The following CLEC14A variants were observed in gnomAD, a reference collection of about 807,000 sequenced individuals.
CLEC14A encodes C-type lectin domain family 14 member A.
For missense variants in CLEC14A, 682 were observed against 659.9 expected, an observed-to-expected ratio of 1.03 and a Z score of -0.37; for synonymous variants, 349 against 292.0, an observed-to-expected ratio of 1.20 and a Z score of -1.99.
chr14:38,255,660 G>T lies in CLEC14A; in HGVS notation c.363C>A (p.Gly121=). 6.2e-7 allele frequency: 1 copy of T among 1,602,714 alleles called. No individual in the cohort carries two copies. The part of the protein sequence containing the change: ...RGFSWLSSDP[G]GLESDTLQWV... ...ACTGCAGCGTGTCGCTTTCGAGACCGCCGGGGTCGGAGGACAGCCAGGAGA... is the reference window on the plus strand; with the variant it reads ...ACTGCAGCGTGTCGCTTTCGAGACCTCCGGGGTCGGAGGACAGCCAGGAGA... The change falls in exon 1 of 1, where the codon GGC becomes GGA. Residue 121 remains glycine (G), a synonymous_variant. Coordinates refer to ENST00000342213, the MANE Select transcript of CLEC14A (RefSeq NM_175060.3). The surrounding 1 kb of genome is among the most constrained non-coding windows in gnomAD (Gnocchi z 5.1).
Position 38,255,501 on chromosome 14 carries a change from C to T in CLEC14A, c.522G>A (p.Gln174=), listed in dbSNP as rs151154489. 1.2e-6 allele frequency: 2 copies of T among 1,613,096 alleles called. No homozygotes were observed. Among genetic ancestry groups the T allele is most frequent in the African/African-American group, 2.7e-5 (2 of 74,934 alleles). Residue 174 remains glutamine, a synonymous_variant, in exon 1 of 1, where the codon CAG becomes CAA. Coordinates refer to ENST00000342213, the MANE Select transcript of CLEC14A (RefSeq NM_175060.3). This position sits in a 1 kb window ranked among gnomAD's most constrained non-coding sequence, Gnocchi z 5.1. ...GCGGCGCAGGACACAAGACCTCAAA[C>T]TGGTACTTGCACAGGTAGCCGTTGG... ...LRANGYLCKY[Q]FEVLCPAPRP...
Position 38,255,243 on chromosome 14 carries a change from A to G in CLEC14A, c.780T>C (p.Pro260=), listed in dbSNP as rs773628972. The change falls in exon 1 of 1, where the codon CCT becomes CCC. Residue 260 remains proline, a synonymous_variant. Transcript: ENST00000342213. The surrounding 1 kb of genome is among the most constrained non-coding windows in gnomAD (Gnocchi z 5.1). ...YLRAGKCAEL[P]NCLDDLGGFA... is the part of the protein sequence containing the mutation. ...AGCCTCCCAAGTCGTCTAGGCAGTT[A>G]GGGAGCTCTGCGCATTTGCCAGCAC... 2.5e-6 allele frequency: 4 copies of G among 1,613,860 alleles called. No individual in the cohort carries two copies. Among genetic ancestry groups the G allele is most frequent in the Non-Finnish European group, 3.4e-6 (4 of 1,180,022 alleles).
At position 38,254,742 on chromosome 14, in the gene CLEC14A, T is replaced by C. The variant is rs1243806599; in HGVS notation, c.1281A>G (p.Glu427=). The C allele has an allele frequency of 4.3e-6, 7 of 1,613,922 alleles. No individual in the cohort carries two copies. Among genetic ancestry groups the C allele is most frequent in the Middle Eastern group, 3.3e-4 (2 of 6,084 alleles). ...CCTTCCTTGGCTGGGAAGAGGGGCTTTCGTGAAAGCAGAGCTTGACAAGCC... is the reference window on the plus strand; with the variant it reads ...CCTTCCTTGGCTGGGAAGAGGGGCTCTCGTGAAAGCAGAGCTTGACAAGCC... ...VLGLVKLCFH[E]SPSSQPRKES... The change falls in exon 1 of 1, where the codon GAA becomes GAG. Residue 427 remains glutamate (E), a synonymous_variant. Transcript: ENST00000342213.
chr14:38,255,504 G>C lies in CLEC14A; in HGVS notation c.519C>G (p.Tyr173Ter), dbSNP rs748650609. The part of the protein sequence containing the change: ...HLRANGYLCK[Y>*]QFEVLCPAPR... ...GCGCAGGACACAAGACCTCAAACTGGTACTTGCACAGGTAGCCGTTGGCGC... is the reference window on the plus strand; with the variant it reads ...GCGCAGGACACAAGACCTCAAACTGCTACTTGCACAGGTAGCCGTTGGCGC... The change falls in exon 1 of 1, where the codon TAC becomes TAG. Residue 173 changes from tyrosine (Y) to a stop codon, truncating the protein, a stop_gained. Coordinates refer to ENST00000342213, the MANE Select transcript of CLEC14A (RefSeq NM_175060.3). LOFTEE classifies it low-confidence loss of function (END_TRUNC). This position sits in a 1 kb window ranked among gnomAD's most constrained non-coding sequence, Gnocchi z 5.1. The C allele has an allele frequency of 1.2e-6, 2 of 1,613,072 alleles. No homozygotes were observed. The highest frequency in any genetic ancestry group is 2.7e-5 in the African/African-American group (2 of 74,920).
rs767108935 is a variant in CLEC14A at position 38,255,199 on chromosome 14, G to C, written c.824C>G (p.Thr275Arg). 2 of 1,613,770 alleles carry C rather than the reference G, an allele frequency of 1.2e-6. No homozygotes were observed. The highest frequency in any genetic ancestry group is 1.7e-6 in the Non-Finnish European group (2 of 1,180,040). The stretch of plus-strand genomic sequence containing the variant: ...GCCGTCCTTCCCCAGCTCGAAGCCC[G>C]TAGCACATTCGCAGGCAAAGCCTCC... ...DLGGFACECA[T>R]GFELGKDGRS... Residue 275 changes from threonine (T) to arginine (R), a missense_variant, in exon 1 of 1, where the codon ACG (threonine) becomes AGG (arginine). Physicochemically the swap from Thr to Arg is moderately conservative, Grantham distance 71. Transcript: ENST00000342213. This position sits in a 1 kb window ranked among gnomAD's most constrained non-coding sequence, Gnocchi z 5.1.
At position 38,256,086 on chromosome 14, in the gene CLEC14A, CTG is replaced by C. The variant is rs1274568527; in HGVS notation, c.-66_-65del. ...ATCTGTCCCGCTCGAGGACGCAGAG[CTG>C]TGTCTGGAGCGCGGTCACCGCCCTC... On this transcript the variant is annotated 5_prime_UTR_variant, in exon 1 of 1. Transcript: ENST00000342213. 1.4e-6 allele frequency: 2 copies of C among 1,419,112 alleles called. No homozygotes were observed. Among genetic ancestry groups the C allele is most frequent in the Non-Finnish European group, 1.8e-6 (2 of 1,083,712 alleles). 87.9% of individuals were successfully genotyped at this position (1,419,112 alleles called of 1,614,324 possible).
Position 38,254,667 on chromosome 14 carries a change from C to G in CLEC14A, c.1356G>C (p.Leu452Phe). ...TTGTGCAATGTGCAGAACTGGAGCCCAAAGCAGCGGGCTCAGGATCACTCT... is the reference window on the plus strand; with the variant it reads ...TTGTGCAATGTGCAGAACTGGAGCCGAAAGCAGCGGGCTCAGGATCACTCT... Reference protein sequence around the residue: ...GLESDPEPAALGSSSAHCTNN... With the variant: ...GLESDPEPAAFGSSSAHCTNN... Residue 452 changes from leucine (L) to phenylalanine (F), a missense_variant, in exon 1 of 1, where the codon TTG becomes TTC. Transcript: ENST00000342213. 1 of 1,614,164 alleles carries G rather than the reference C, an allele frequency of 6.2e-7. No individual in the cohort carries two copies. The highest frequency in any genetic ancestry group is 8.5e-7 in the Non-Finnish European group (1 of 1,180,024).
rs11553024 is a variant in CLEC14A, at chr14:38,255,530, G to C, written c.493C>G (p.Arg165Gly). The change falls in exon 1 of 1, where the codon CGC becomes GGC. Residue 165 changes from arginine (R) to glycine (G), a missense_variant. Physicochemically the swap from Arg to Gly is moderately radical, Grantham distance 125. Coordinates refer to ENST00000342213, the MANE Select transcript of CLEC14A (RefSeq NM_175060.3). The surrounding 1 kb of genome is among the most constrained non-coding windows in gnomAD (Gnocchi z 5.1). The stretch of plus-strand genomic sequence containing the variant: ...TACTTGCACAGGTAGCCGTTGGCGC[G>C]CAGGTGGCATCGCATCTCCTTCCAG... ...AGWKEMRCHL[R>G]ANGYLCKYQF... 1 of 1,613,128 alleles carries C rather than the reference G, an allele frequency of 6.2e-7. No individual in the cohort carries two copies. Among genetic ancestry groups the C allele is most frequent in the Non-Finnish European group, 8.5e-7 (1 of 1,180,004 alleles).
chr14:38,255,311 G>C lies in CLEC14A; in HGVS notation c.712C>G (p.Leu238Val), dbSNP rs964554256. The C allele has an allele frequency of 1.9e-6, 3 of 1,613,668 alleles. No homozygotes were observed. The highest frequency in any genetic ancestry group is 1.7e-6 in the Non-Finnish European group (2 of 1,180,040). ...CAGGGACACAACACATCGCCCGAGA[G>C]TTTGTCCCAGCGAGCGCCGATTTCG... ...ADEIGARWDK[L>V]SGDVLCPCPG... The change falls in exon 1 of 1, where the codon CTC becomes GTC. Residue 238 changes from leucine to valine, a missense_variant. Physicochemically the swap from Leu to Val is conservative, Grantham distance 32 (BLOSUM62 1). Transcript: ENST00000342213. The surrounding 1 kb of genome is among the most constrained non-coding windows in gnomAD (Gnocchi z 5.1).
Position 38,256,082 on chromosome 14 carries a change from A to T in CLEC14A, c.-60T>A. The T allele has an allele frequency of 7.0e-7, 1 of 1,428,342 alleles. No homozygotes were observed. The allele number at this position is 1,428,342 out of a possible 1,614,324, so 88.5% of individuals were successfully genotyped here. Reference sequence around the variant, plus strand: ...TTGGATCTGTCCCGCTCGAGGACGCAGAGCTGTGTCTGGAGCGCGGTCACC... The same window carrying T: ...TTGGATCTGTCCCGCTCGAGGACGCTGAGCTGTGTCTGGAGCGCGGTCACC... On this transcript the variant is annotated 5_prime_UTR_variant, in exon 1 of 1. Transcript: ENST00000342213.
Position 38,254,774 on chromosome 14 carries a change from C to T in CLEC14A, c.1249G>A (p.Val417Ile), listed in dbSNP as rs758918675. ...VVVLVILTMT[V>I]LGLVKLCFHE... is the part of the protein sequence containing the mutation. The stretch of plus-strand genomic sequence containing the variant: ...AAGCAGAGCTTGACAAGCCCCAGTA[C>T]TGTCATGGTCAAGATCACCAACACT... The change falls in exon 1 of 1, where the codon GTA becomes ATA. Residue 417 changes from valine to isoleucine, a missense_variant. Coordinates refer to ENST00000342213, the MANE Select transcript of CLEC14A (RefSeq NM_175060.3). 9 of 1,614,178 alleles carry T rather than the reference C, an allele frequency of 5.6e-6. No homozygotes were observed. The highest frequency in any genetic ancestry group is 7.6e-6 in the Non-Finnish European group (9 of 1,180,038).
Position 38,255,368 on chromosome 14 carries a change from G to A in CLEC14A, c.655C>T (p.Gln219Ter), listed in dbSNP as rs761272956. ...GTEVSALCRGQLPISVTCIAD... is the reference protein window; with the variant it reads ...GTEVSALCRG ...ATGCAAGTAACTGAGATCGGGAGCTGTCCCCGGCAGAGCGCACTCACCTCG... is the reference window on the plus strand; with the variant it reads ...ATGCAAGTAACTGAGATCGGGAGCTATCCCCGGCAGAGCGCACTCACCTCG... The change falls in exon 1 of 1, where the codon CAG becomes TAG. Residue 219 changes from glutamine to a stop codon, truncating the protein, a stop_gained. Coordinates refer to ENST00000342213, the MANE Select transcript of CLEC14A (RefSeq NM_175060.3). LOFTEE classifies it low-confidence loss of function (END_TRUNC). The surrounding 1 kb of genome is among the most constrained non-coding windows in gnomAD (Gnocchi z 5.1). 1.2e-6 allele frequency: 2 copies of A among 1,613,406 alleles called. No individual in the cohort carries two copies. The highest frequency in any genetic ancestry group is 2.7e-5 in the African/African-American group (2 of 74,942).
chr14:38,254,691 C>T lies in CLEC14A; in HGVS notation c.1332G>A (p.Glu444=), dbSNP rs752560289. 2 of 1,614,178 alleles carry T rather than the reference C, an allele frequency of 1.2e-6. No individual in the cohort carries two copies. The highest frequency in any genetic ancestry group is 1.7e-6 in the Non-Finnish European group (2 of 1,180,042). ...RKESMGPPGL[E]SDPEPAALGS... is the part of the protein sequence containing the mutation. Reference sequence around the variant, plus strand: ...CCAAAGCAGCGGGCTCAGGATCACTCTCCAGGCCCGGCGGGCCCATAGACT... The same window carrying T: ...CCAAAGCAGCGGGCTCAGGATCACTTTCCAGGCCCGGCGGGCCCATAGACT... The change falls in exon 1 of 1, where the codon GAG becomes GAA. Residue 444 remains glutamate, a synonymous_variant. Transcript: ENST00000342213.
In CLEC14A at chr14:38,254,576, A is replaced by T. The variant is rs1215578674; in HGVS notation, c.1447T>A (p.Ser483Thr). Reference protein sequence around the residue: ...DRAEGALLAESPLGSSDA With the variant: ...DRAEGALLAETPLGSSDA Reference sequence around the variant, plus strand: ...TATGCATCACTAGAGCCAAGAGGGGACTCCGCCAGCAAGGCACCCTCTGCT... The same window carrying T: ...TATGCATCACTAGAGCCAAGAGGGGTCTCCGCCAGCAAGGCACCCTCTGCT... Residue 483 changes from serine (S) to threonine (T), a missense_variant, in exon 1 of 1, where the codon TCC becomes ACC. Transcript: ENST00000342213. The T allele has an allele frequency of 1.9e-6, 3 of 1,595,944 alleles. No individual in the cohort carries two copies. The highest frequency in any genetic ancestry group is 2.6e-6 in the Non-Finnish European group (3 of 1,168,666).
Position 38,254,539 on chromosome 14 carries a change from C to A in CLEC14A, c.*11G>T. ...AAACTGTTCACAGGAGTGCCCATGT[C>A]CCCTGTTTCCCTATGCATCACTAGA... is the stretch of plus-strand genomic sequence containing the variant. On this transcript the variant is annotated 3_prime_UTR_variant, in exon 1 of 1. Transcript: ENST00000342213. 2 of 1,537,956 alleles carry A rather than the reference C, an allele frequency of 1.3e-6. No individual in the cohort carries two copies. The highest frequency in any genetic ancestry group is 2.3e-5 in the East Asian group (1 of 44,058).
rs761629295 is a variant in CLEC14A at position 38,254,971 on chromosome 14, G to C, written c.1052C>G (p.Ser351Ter). 6.2e-7 allele frequency: 1 copy of C among 1,614,166 alleles called. No homozygotes were observed. The highest frequency in any genetic ancestry group is 8.5e-7 in the Non-Finnish European group (1 of 1,180,032). ...TTGAAGGGTAGACATCGTGCTCTGT[G>C]ATCCCCATCGAGGAATCTCAGGAAT... The part of the protein sequence containing the change: ...TSIPEIPRWG[S>*]QSTMSTLQMS... The change falls in exon 1 of 1, where the codon TCA (serine) becomes TGA (stop). Residue 351 changes from serine (S) to a stop codon, truncating the protein, a stop_gained. Transcript: ENST00000342213. LOFTEE classifies it low-confidence loss of function (END_TRUNC).
At position 38,256,030 on chromosome 14, in the gene CLEC14A, G is replaced by A. The variant is rs1884051816; in HGVS notation, c.-8C>T. The A allele has an allele frequency of 3.3e-6, 5 of 1,513,896 alleles. No individual in the cohort carries two copies. The highest frequency in any genetic ancestry group is 4.4e-6 in the Non-Finnish European group (5 of 1,132,100). The allele number at this position is 1,513,896 out of a possible 1,614,324, so 93.8% of individuals were successfully genotyped here. Reference sequence around the variant, plus strand: ...GGCGAACGCCGGCCTCATTCTCTGAGGCCCCGCACGCAGAGCTGCTCCCAA... The same window carrying A: ...GGCGAACGCCGGCCTCATTCTCTGAAGCCCCGCACGCAGAGCTGCTCCCAA... On this transcript the variant is annotated 5_prime_UTR_variant, in exon 1 of 1. Transcript: ENST00000342213.
chr14:38,255,580 G>T lies in CLEC14A; in HGVS notation c.443C>A (p.Ala148Asp), dbSNP rs1326812513. ...GCCTGCGGGCTCGACCCCACCGGTG[G>T]CCTGGAGTACCGCGCATCTCCGCGC... ...CTARRCAVLQ[A>D]TGGVEPAGWK... Residue 148 changes from alanine (A) to aspartate (D), a missense_variant, in exon 1 of 1, where the codon GCC becomes GAC. Coordinates refer to ENST00000342213, the MANE Select transcript of CLEC14A (RefSeq NM_175060.3). The surrounding 1 kb of genome is among the most constrained non-coding windows in gnomAD (Gnocchi z 5.1). The T allele has an allele frequency of 1.9e-6, 3 of 1,612,572 alleles. No homozygotes were observed. In the African/African-American group the frequency reaches 4.0e-5, roughly 22 times the overall value.
At position 38,254,314 on chromosome 14, in the gene CLEC14A, A is replaced by C; in HGVS notation, c.*236T>G. The C allele has an allele frequency of 2.5e-6, 1 of 402,426 alleles. No homozygotes were observed. The highest frequency in any genetic ancestry group is 4.4e-6 in the Non-Finnish European group (1 of 227,878). The allele number at this position is 402,426 out of a possible 1,614,324, so 24.9% of individuals were successfully genotyped here. On this transcript the variant is annotated 3_prime_UTR_variant, in exon 1 of 1. Transcript: ENST00000342213. ...ATTCTCCGAATAAACATAAGAAAAT[A>C]TCTCTCCCCAGCACTACCCGGTCCC...
Sources: allele counts gnomAD v4.1 joint callset, GRCh38; gene constraint gnomAD v4.1.1; non-coding constraint Gnocchi (gnomAD v3.1); transcripts MANE v1.5; gene names NCBI Gene and HGNC (gene_info 2026-07-23, HGNC 2026-07-21).